FARSB: variants seen among roughly 807,000 people sequenced by gnomAD.
FARSB encodes phenylalanine--tRNA ligase beta subunit.
FARSB carries 40 observed loss-of-function variants against 69.6 expected under a neutral mutation model. That is an observed-to-expected ratio of 0.57 (90% CI 0.45 to 0.75). The LOEUF is 0.75. Ranked by LOEUF, FARSB falls within the 30% of genes least tolerant of loss-of-function variation. FARSB has a pLI of 0.00. For synonymous variants in FARSB, 235 were observed against 247.2 expected, an observed-to-expected ratio of 0.95 and a Z score of 0.46; for missense variants, 632 against 722.9, an observed-to-expected ratio of 0.87 and a Z score of 1.44.
At chr2:222,609,773 T>A (rs1247744677) in intron 15 of FARSB, among the ~76,000 whole-genome samples, 3 of 152,160 alleles carry the variant, frequency 2.0e-5, no homozygotes, top group African/African-American at 7.2e-5. Context: ...TACATTAGAA[T>A]AAGAAACTGT....
At chr2:222,604,722 A>AT (rs56201038) in intron 15 of FARSB, among the ~76,000 whole-genome samples, 48,821 of 109,930 alleles carry the variant, frequency 0.44, 12,134 homozygotes, top group East Asian at 0.8. Context: ...TGCCCACTGA[A>AT]TTTTTTTTTT....
rs764227262 is a variant in FARSB at position 222,567,879 on chromosome 2, CA to C, written c.*3991del. 6.6e-6 allele frequency: 1 copy of C among 152,218 alleles called. No individual in the cohort carries two copies. The highest frequency in any genetic ancestry group is 2.1e-4 in the South Asian group (1 of 4,828). The allele number at this position is 152,218 out of a possible 1,614,324, so 9.4% of individuals were successfully genotyped here. Reference sequence around the variant, plus strand: ...GTTTATAATTGCAAACAGTTGGAAACAACTGAATGTCCACCAACAAGGGAAT... The same window carrying C: ...GTTTATAATTGCAAACAGTTGGAAACACTGAATGTCCACCAACAAGGGAAT... On this transcript the variant is annotated 3_prime_UTR_variant, in exon 17 of 17. Transcript: ENST00000281828.
chr2:222,654,966 C>T (rs1692132472), intron 1 of FARSB, among the ~76,000 whole-genome samples: 1 of 151,896 alleles, frequency 6.6e-6, no homozygotes, highest in Non-Finnish European at 1.5e-5. Flanking sequence ...TGGGAGGCCG[C>T]GGCAGGTGGA....
chr2:222,597,479 C>T (rs1690449769), intron 16 of FARSB, among the ~76,000 whole-genome samples: 1 of 151,912 alleles, frequency 6.6e-6, no homozygotes, highest in African/African-American at 2.4e-5. Context: ...CAGCAGACAT[C>T]TACATGTTAG....
intron 8 of FARSB, 29 bp downstream of exon 8, chr2:222,631,575 T>C (rs1366522573): frequency 3.3e-6 from 4 of 1,227,392 alleles, no homozygotes; most frequent in Non-Finnish European, 4.8e-6. Context: ...CAGCTGATCA[T>C]ACAAAAATTG....
At chr2:222,655,351 C>A (rs1424199638) in intron 1 of FARSB, among the ~76,000 whole-genome samples, 1 of 152,164 alleles carries the variant, frequency 6.6e-6, no homozygotes, top group African/African-American at 2.4e-5. Context: ...ATTTAATACT[C>A]CCCATTCAGG....
At chr2:222,589,771 T>G (rs1306543821) in intron 16 of FARSB, among the ~76,000 whole-genome samples, 1 of 152,132 alleles carries the variant, frequency 6.6e-6, no homozygotes, top group Admixed American at 6.5e-5. Flanking sequence ...AAAATGCTCA[T>G]CATCACTGGC....
chr2:222,587,190 A>G (rs1007865544), intron 16 of FARSB, among the ~76,000 whole-genome samples: 1 of 152,262 alleles, frequency 6.6e-6, no homozygotes, highest in Non-Finnish European at 1.5e-5. Context: ...ATTAGAACTC[A>G]GTATTAAGAA....
intron 15 of FARSB, among the ~76,000 whole-genome samples, chr2:222,603,033 T>C (rs892200896): frequency 1.3e-5 from 2 of 152,136 alleles, no homozygotes; most frequent in Non-Finnish European, 2.9e-5. Flanking sequence ...ACAAAACTCA[T>C]TTTTAAAAAG....
chr2:222,590,878 T>C (rs980972644), intron 16 of FARSB, among the ~76,000 whole-genome samples: 7 of 152,158 alleles, frequency 4.6e-5, no homozygotes, highest in African/African-American at 1.7e-4. Context: ...TTTATGTATG[T>C]TTTTAATTTT....
intron 10 of FARSB, 98 bp downstream of exon 10, chr2:222,628,739 T>A (rs1691339339): frequency 6.5e-6 from 5 of 770,808 alleles, no homozygotes; most frequent in Non-Finnish European, 1.1e-5. Context: ...CACGGGTGGG[T>A]AGGTAGGGGA....
intron 16 of FARSB, among the ~76,000 whole-genome samples, chr2:222,590,379 G>C (rs1574916443): frequency 6.6e-6 from 1 of 152,168 alleles, no homozygotes; most frequent in East Asian, 1.9e-4. Flanking sequence ...GTGGGGGAAG[G>C]GGGAGGGAAA....
At chr2:222,602,274 AC>A (rs1405384661) in intron 15 of FARSB, among the ~76,000 whole-genome samples, 1 of 152,192 alleles carries the variant, frequency 6.6e-6, no homozygotes, top group Non-Finnish European at 1.5e-5. Context: ...GGGTGATGGA[AC>A]TTTTTGATCT....
intron 1 of FARSB, among the ~76,000 whole-genome samples, chr2:222,649,004 A>C (rs1016567074): frequency 6.6e-6 from 1 of 152,154 alleles, no homozygotes; most frequent in Admixed American, 6.5e-5. Context: ...ATGTGTGTGG[A>C]TCATCTGAGG....
intron 16 of FARSB, among the ~76,000 whole-genome samples, chr2:222,599,419 AT>A (rs1174259053): frequency 1.3e-5 from 2 of 152,192 alleles, no homozygotes; most frequent in Non-Finnish European, 2.9e-5. Context: ...TGTACTTGGG[AT>A]TTTATACACG....
Position 222,626,024 on chromosome 2 carries a change from A to G in FARSB, c.901-1249T>C, listed in dbSNP as rs567606283. Among the ~76,000 whole-genome samples the G allele has an allele frequency of 2.6e-5, 4 of 152,294 alleles. No homozygotes were observed. In the South Asian group the frequency reaches 6.2e-4, roughly 24 times the overall value. Reference sequence around the variant, plus strand: ...CACTTTGGGAGGCCGAGGTGGGTGGATCACCTGAGGTCAGGAGTTCGAGAC... The same window carrying G: ...CACTTTGGGAGGCCGAGGTGGGTGGGTCACCTGAGGTCAGGAGTTCGAGAC... On this transcript the variant is annotated intron_variant, in intron 10 of 16. Coordinates refer to ENST00000281828, the MANE Select transcript of FARSB (RefSeq NM_005687.5).
At chr2:222,645,864 G>A (rs888108675) in intron 2 of FARSB, among the ~76,000 whole-genome samples, 1 of 151,824 alleles carries the variant, frequency 6.6e-6, no homozygotes, top group African/African-American at 2.4e-5. Flanking sequence ...ATACAGAATG[G>A]CCAAAACTAG....
At chr2:222,643,036 T>G in intron 2 of FARSB, 31 bp from the exon 3 acceptor site, 2 of 1,372,060 alleles carry the variant, frequency 1.5e-6, no homozygotes, top group Non-Finnish European at 1.0e-6. Context: ...ATGATAAAAA[T>G]TAAATAATTT....
At chr2:222,628,470 A>T (rs531094403) in intron 10 of FARSB, among the ~76,000 whole-genome samples, 1 of 152,320 alleles carries the variant, frequency 6.6e-6, no homozygotes, top group East Asian at 1.9e-4. Context: ...TTTTTAAAAA[A>T]CTACTCAGTT....
Sources: allele counts gnomAD v4.1 joint callset (sites outside exome capture counted in the v4.1 genomes callset), GRCh38; gene constraint gnomAD v4.1.1; transcripts MANE v1.5; gene names NCBI Gene and HGNC (gene_info 2026-07-23, HGNC 2026-07-21).